The following CACNA1E variants were observed in gnomAD, a reference collection of about 807,000 sequenced individuals.
CACNA1E encodes the protein voltage-dependent R-type calcium channel subunit alpha-1E.
A neutral mutation model predicts 259.2 loss-of-function variants in CACNA1E; 40 were observed. The ratio of observed to expected loss-of-function variants is 0.15; its 90% CI spans 0.12 to 0.20. The LOEUF is 0.20. Ranked by LOEUF, CACNA1E falls within the 10% of genes least tolerant of loss-of-function variation. The probability of loss-of-function intolerance (pLI) is 1.00; values close to 1 mark genes in which losing one functional copy is unlikely to be tolerated. For synonymous variants in CACNA1E, 1,104 were observed against 1,138.5 expected, an observed-to-expected ratio of 0.97 and a Z score of 0.61; for missense variants, 1,874 against 3,040.1, an observed-to-expected ratio of 0.62 and a Z score of 9.02.
intron 2 of CACNA1E, among the ~76,000 whole-genome samples, chr1:181,470,145 G>A (rs1662406005): frequency 6.6e-6 from 1 of 151,996 alleles, no homozygotes; most frequent in Non-Finnish European, 1.5e-5. Flanking sequence ...AAGTGAGCGT[G>A]AGCGAGCTGC....
Position 181,639,084 on chromosome 1 carries a change from G to A in CACNA1E, c.952-12254G>A, listed in dbSNP as rs141599976. ...GGTCCAATGTCCAGCTTAGAGTAGA[G>A]TAGATGCCTTTTTTTTTTTTTGAGA... On this transcript the variant is annotated intron_variant, in intron 6 of 47. Coordinates refer to ENST00000367573, the MANE Select transcript of CACNA1E (RefSeq NM_001205293.3). Among the ~76,000 whole-genome samples, 435 of 151,954 alleles carry A rather than the reference G, an allele frequency of 2.9e-3. 2 individuals carry two copies. Among genetic ancestry groups the A allele is most frequent in the African/African-American group, 0.01 (414 of 41,364 alleles).
chr1:181,334,113 A>C (rs1266999541), intron 1 of CACNA1E, among the ~76,000 whole-genome samples: 3 of 152,158 alleles, frequency 2.0e-5, no homozygotes, highest in African/African-American at 7.2e-5. Flanking sequence ...TGGCCTTCCC[A>C]TTGCTAAATC....
chr1:181,472,919 T>A (rs1468912772), intron 2 of CACNA1E, among the ~76,000 whole-genome samples: 2 of 152,012 alleles, frequency 1.3e-5, no homozygotes, highest in Non-Finnish European at 2.9e-5. Flanking sequence ...GCACTGTGAG[T>A]CTGTGGGTGT....
chr1:181,484,122 C>A, intron 1 of CACNA1E, 112 bp downstream of exon 1: 1 of 1,120,994 alleles, frequency 8.9e-7, no homozygotes, highest in Non-Finnish European at 1.3e-6. Context: ...CAATTTGCCC[C>A]TTTGCTGAAG....
chr1:181,699,600 C>G (rs1376686647), intron 7 of CACNA1E, among the ~76,000 whole-genome samples: 1 of 152,082 alleles, frequency 6.6e-6, no homozygotes, highest in African/African-American at 2.4e-5. Context: ...TGTTTTCCTG[C>G]TATGAAGGAA....
At chr1:181,565,226 A>G (rs1404107012) in intron 3 of CACNA1E, among the ~76,000 whole-genome samples, 1 of 152,190 alleles carries the variant, frequency 6.6e-6, no homozygotes, top group Non-Finnish European at 1.5e-5. Flanking sequence ...ATTGTGAGTG[A>G]CAGAAACCTA....
intron 6 of CACNA1E, among the ~76,000 whole-genome samples, chr1:181,651,130 T>C (rs551369907): frequency 1.3e-5 from 2 of 152,312 alleles, no homozygotes; most frequent in East Asian, 3.9e-4. Flanking sequence ...CTCAGTATAT[T>C]ATGGTGAGGC....
chr1:181,651,704 C>T (rs1361623554), intron 7 of CACNA1E: 3 of 282,654 alleles, frequency 1.1e-5, no homozygotes, highest in Non-Finnish European at 2.0e-5. Context: ...TTCATTTATT[C>T]ATCCATGCTT....
rs1303396794 is a variant in CACNA1E at position 181,386,514 on chromosome 1, G to A, written c.-14-26619G>A. On this transcript the variant is annotated intron_variant, in intron 1 of 11. Transcript: ENST00000524607. ...ATCTGAAGGACACCGAAGGGGGTGA[G>A]GACAATCAGGATCAGAGCCATCCAA... Among the ~76,000 whole-genome samples the A allele has an allele frequency of 5.3e-5, 8 of 152,282 alleles. No individual in the cohort carries two copies. The South Asian group carries it at 1.0e-3, about 20-fold the overall frequency.
intron 32 of CACNA1E, 128 bp from the exon 33 acceptor site, chr1:181,762,446 T>C: frequency 1.5e-6 from 1 of 645,950 alleles, no homozygotes; most frequent in Non-Finnish European, 2.7e-6. Flanking sequence ...AAAGTAAGAG[T>C]GAACTTATGC....
At chr1:181,796,959 C>A in intron 47 of CACNA1E, 101 bp downstream of exon 47, 1 of 781,760 alleles carries the variant, frequency 1.3e-6, no homozygotes, top group East Asian at 2.8e-5. Context: ...CATTCAAGTA[C>A]CCACAAAGAC....
Position 181,755,948 on chromosome 1 carries a change from G to C in CACNA1E, c.3990-8G>C. ...GGAGGCTCTCTTTCATTTCTGCTCT[G>C]GTTTTAGAGGCAACTATGTAGATCA... On this transcript the variant is annotated splice_polypyrimidine_tract_variant and splice_region_variant and intron_variant, in intron 28 of 47. Coordinates refer to ENST00000367573, the MANE Select transcript of CACNA1E (RefSeq NM_001205293.3). 1 of 1,612,496 alleles carries C rather than the reference G, an allele frequency of 6.2e-7. No homozygotes were observed. Among genetic ancestry groups the C allele is most frequent in the Non-Finnish European group, 8.5e-7 (1 of 1,179,036 alleles).
chr1:181,677,398 A>C lies in CACNA1E; in HGVS notation c.1055+25957A>C, dbSNP rs149157674. On this transcript the variant is annotated intron_variant, in intron 7 of 47. Transcript: ENST00000367573. ...GATTAGAAAGTCTTTTCCCCCTTTA[A>C]ACATGTAATTTTAAATGATACAATA... Among the ~76,000 whole-genome samples, 522 of 152,296 alleles carry C rather than the reference A, an allele frequency of 3.4e-3. 5 individuals are homozygous for C. Among genetic ancestry groups the C allele is most frequent in the Non-Finnish European group, 3.7e-3 (252 of 68,020 alleles).
At chr1:181,496,946 G>T (rs1246771387) in intron 1 of CACNA1E, among the ~76,000 whole-genome samples, 2 of 152,200 alleles carry the variant, frequency 1.3e-5, no homozygotes, top group Non-Finnish European at 2.9e-5. Flanking sequence ...GTTGAAGGGT[G>T]TGGGCTTGTC....
chr1:181,352,857 T>G (rs1484589433), intron 1 of CACNA1E, among the ~76,000 whole-genome samples: 2 of 152,020 alleles, frequency 1.3e-5, no homozygotes, highest in Non-Finnish European at 2.9e-5. Flanking sequence ...TAAGATCGAC[T>G]CCCTGATTGG....
chr1:181,454,721 A>AT (rs1273396089), intron 2 of CACNA1E, among the ~76,000 whole-genome samples: 1 of 152,176 alleles, frequency 6.6e-6, no homozygotes, highest in East Asian at 1.9e-4. Context: ...ACCAGTTTTA[A>AT]TTTCTTAACT....
intron 7 of CACNA1E, among the ~76,000 whole-genome samples, chr1:181,666,433 A>G (rs1558243808): frequency 6.6e-6 from 1 of 152,120 alleles, no homozygotes; most frequent in Non-Finnish European, 1.5e-5. Context: ...ATTTAGGTAA[A>G]TGAAAAGACA....
At chr1:181,577,731 T>C (rs776413258) in intron 3 of CACNA1E, 35 bp from the exon 4 acceptor site, 4 of 1,425,146 alleles carry the variant, frequency 2.8e-6, no homozygotes, top group Admixed American at 1.9e-5. Flanking sequence ...AAAACCAGAC[T>C]GGTAACCTTG....
chr1:181,641,703 G>GT (rs751082929), intron 6 of CACNA1E, among the ~76,000 whole-genome samples: 2,022 of 81,028 alleles, frequency 0.025, 319 homozygotes, highest in African/African-American at 0.059. Flanking sequence ...CTAATTTTTT[G>GT]TTTTTTTTTT....
Sources: gnomAD v4.1 joint callset for allele counts (sites outside exome capture counted in the v4.1 genomes callset) on GRCh38, gnomAD v4.1.1 for gene constraint, MANE v1.5 for transcripts, NCBI Gene and HGNC (gene_info 2026-07-23, HGNC 2026-07-21) for gene names.